GAB3: variants seen among roughly 807,000 people sequenced by gnomAD.
GAB3 encodes the protein GRB2 associated binding protein 3.
A neutral mutation model predicts 40.4 loss-of-function variants in GAB3; 12 were observed. That is an observed-to-expected ratio of 0.30 (90% CI 0.19 to 0.48). The LOEUF (loss-of-function observed/expected upper bound fraction) is 0.48, where lower values mean the gene tolerates loss of function less well. Ranked by LOEUF, GAB3 falls within the 20% of genes least tolerant of loss-of-function variation. The pLI, the probability that GAB3 is intolerant of heterozygous loss-of-function variation, is 0.99. For missense variants in GAB3, 381 were observed against 461.9 expected, an observed-to-expected ratio of 0.82 and a Z score of 1.61; for synonymous variants, 154 against 176.7, an observed-to-expected ratio of 0.87 and a Z score of 1.02.
At chrX:154,700,375 G>A (rs989227899) in intron 4 of GAB3, among the ~76,000 whole-genome samples, 1 of 111,261 alleles carries the variant, frequency 9.0e-6, no homozygotes, top group African/African-American at 3.3e-5. Flanking sequence ...AATATTCCTT[G>A]TAACGAGCAG....
At position 154,697,205 on chromosome X, in the gene GAB3, G is replaced by A; in HGVS notation, c.1354C>T (p.Pro452Ser). Reference sequence around the variant, plus strand: ...GAGAGGTTTCTCAGGTCCAGAGGAGGTGGCCGTGCTACAAGACAGTGTGCA... The same window carrying A: ...GAGAGGTTTCTCAGGTCCAGAGGAGATGGCCGTGCTACAAGACAGTGTGCA... The part of the protein sequence containing the change: ...DLKPQRKSRP[P>S]PLDLRNLSII... Residue 452 changes from proline (P) to serine (S), a missense_variant, in exon 7 of 10, where the codon CCT (proline) becomes TCT (serine). Coordinates refer to ENST00000424127, the MANE Select transcript of GAB3 (RefSeq NM_001081573.3). 2 of 1,181,370 alleles carry A rather than the reference G, an allele frequency of 1.7e-6. No individual in the cohort carries two copies. The highest frequency in any genetic ancestry group is 2.3e-6 in the Non-Finnish European group (2 of 879,161).
intron 1 of GAB3, among the ~76,000 whole-genome samples, chrX:154,736,049 C>T (rs1329257859): frequency 8.9e-6 from 1 of 112,752 alleles, no homozygotes; most frequent in African/African-American, 3.2e-5. Flanking sequence ...CAAACAGGAG[C>T]TGCCGCTGTT....
chrX:154,751,173 G>A, upstream of GAB3: 1 of 491,569 alleles, frequency 2.0e-6, no homozygotes, highest in Non-Finnish European at 2.5e-6. Flanking sequence ...CGGCCGCCGC[G>A]GCCCCCGGGG....
chrX:154,712,333 C>T lies in GAB3; in HGVS notation c.965G>A (p.Arg322His), dbSNP rs138557356. The T allele has an allele frequency of 1.3e-5, 16 of 1,209,579 alleles. No individual in the cohort carries two copies. The highest frequency in any genetic ancestry group is 3.5e-5 in the South Asian group (2 of 56,782). ...ACTGTGTGTACTCCACTCCTCTTGG[C>T]GCCGTTCAGACAGATGGCTTGGCTT... ...PPKPSHLSER[R>H]QEEWSTHSGS... The change falls in exon 4 of 10, where the codon CGC (arginine) becomes CAC (histidine). Residue 322 changes from arginine to histidine, a missense_variant. This residue lies in a region of GAB3 where 364 missense variants were observed against 421.0 expected (regional missense o/e 0.86). Coordinates refer to ENST00000424127, the MANE Select transcript of GAB3 (RefSeq NM_001081573.3).
chrX:154,680,709 C>T (rs1386176504), intron 8 of GAB3, among the ~76,000 whole-genome samples: 4 of 112,236 alleles, frequency 3.6e-5, no homozygotes, highest in South Asian at 7.4e-4. Flanking sequence ...AAGCTGTTTC[C>T]CCTGTACCAT....
intron 1 of GAB3, among the ~76,000 whole-genome samples, chrX:154,737,955 A>G (rs1409530822): frequency 1.8e-5 from 2 of 111,835 alleles, no homozygotes; most frequent in African/African-American, 6.5e-5. Flanking sequence ...GCACCACTGC[A>G]CTCCAGCCTG....
chrX:154,729,256 G>A (rs910213233), intron 1 of GAB3, among the ~76,000 whole-genome samples: 1 of 112,268 alleles, frequency 8.9e-6, no homozygotes, highest in Non-Finnish European at 1.9e-5. Context: ...ACAATAAGAT[G>A]CTTGACTTTA....
intron 1 of GAB3, among the ~76,000 whole-genome samples, chrX:154,740,448 G>A (rs782713416): frequency 5.4e-5 from 6 of 112,085 alleles, no homozygotes; most frequent in Non-Finnish European, 1.1e-4. Context: ...AGGGTTCTCC[G>A]CTTCTAGGAA....
At chrX:154,732,349 T>C (rs2071303907) in intron 1 of GAB3, among the ~76,000 whole-genome samples, 2 of 112,097 alleles carry the variant, frequency 1.8e-5, no homozygotes, top group Admixed American at 1.9e-4. Context: ...TTATCGGACA[T>C]AATATAATCT....
At position 154,677,193 on chromosome X, in the gene GAB3, T is replaced by C. The variant is rs782406797; in HGVS notation, c.*985A>G. On this transcript the variant is annotated 3_prime_UTR_variant, in exon 10 of 10. Transcript: ENST00000424127. ...AGTTGAACATCGCAGAAAGAAACCCTCACTTGACATGCACATCTTTCAAGT... is the reference window on the plus strand; with the variant it reads ...AGTTGAACATCGCAGAAAGAAACCCCCACTTGACATGCACATCTTTCAAGT... 3 of 111,645 alleles carry C rather than the reference T, an allele frequency of 2.7e-5. No individual in the cohort carries two copies. Among genetic ancestry groups the C allele is most frequent in the Non-Finnish European group, 5.7e-5 (3 of 53,084 alleles). 9.2% of individuals were successfully genotyped at this position (111,645 alleles called of 1,213,427 possible). A position where few individuals can be genotyped will look rare whatever the true frequency, so the allele number is the denominator to read the frequency against.
At chrX:154,737,026 A>G (rs988309687) in intron 1 of GAB3, among the ~76,000 whole-genome samples, 8 of 111,547 alleles carry the variant, frequency 7.2e-5, no homozygotes, top group Non-Finnish European at 1.5e-4. Context: ...TGTGTCTTTC[A>G]CTTTTAACTA....
chrX:154,675,643 A>G lies in GAB3; in HGVS notation c.*2535T>C, dbSNP rs1300767445. 1 of 112,401 alleles carries G rather than the reference A, an allele frequency of 8.9e-6. No individual in the cohort carries two copies. The highest frequency in any genetic ancestry group is 1.9e-5 in the Non-Finnish European group (1 of 53,297). 9.3% of individuals were successfully genotyped at this position (112,401 alleles called of 1,213,427 possible). A position where few individuals can be genotyped will look rare whatever the true frequency, so the allele number is the denominator to read the frequency against. On this transcript the variant is annotated 3_prime_UTR_variant, in exon 10 of 10. Coordinates refer to ENST00000424127, the MANE Select transcript of GAB3 (RefSeq NM_001081573.3). ...GGAATTTTCTAACGAGGTGAGACAGAAGAAAATGAAACAAAAAGGAACTAC... is the reference window on the plus strand; with the variant it reads ...GGAATTTTCTAACGAGGTGAGACAGGAGAAAATGAAACAAAAAGGAACTAC...
intron 1 of GAB3, among the ~76,000 whole-genome samples, chrX:154,717,805 G>A (rs1307659477): frequency 8.9e-6 from 1 of 111,910 alleles, no homozygotes; most frequent in African/African-American, 3.3e-5. Flanking sequence ...ATGGAGCCAG[G>A]GGGAAGGAAA....
chrX:154,708,204 A>G (rs953122242), intron 4 of GAB3, among the ~76,000 whole-genome samples: 1 of 112,034 alleles, frequency 8.9e-6, no homozygotes, highest in Non-Finnish European at 1.9e-5. Context: ...CTTTTCTTAT[A>G]CCATATACAA....
chrX:154,731,084 A>G (rs781892244), intron 1 of GAB3, among the ~76,000 whole-genome samples: 6 of 112,149 alleles, frequency 5.4e-5, no homozygotes, highest in Non-Finnish European at 1.1e-4. Context: ...ATTGTCAACC[A>G]AAGTGCCACT....
chrX:154,726,283 C>CA (rs1256942585), intron 1 of GAB3, among the ~76,000 whole-genome samples: 5 of 110,327 alleles, frequency 4.5e-5, no homozygotes, highest in Non-Finnish European at 7.6e-5. Flanking sequence ...ATATCTGAAA[C>CA]AAAAAAAATA....
chrX:154,746,006 C>T (rs937447228), intron 1 of GAB3, among the ~76,000 whole-genome samples: 1 of 100,970 alleles, frequency 9.9e-6, no homozygotes, highest in South Asian at 4.6e-4. Flanking sequence ...GAGCCAAGAT[C>T]GTGCCACTGC....
chrX:154,678,365 T>G, intron 9 of GAB3, 71 bp from the exon 10 acceptor site: 1 of 578,095 alleles, frequency 1.7e-6, no homozygotes, highest in Non-Finnish European at 2.9e-6. Flanking sequence ...TACCCTTTTG[T>G]ATTAAATTGT....
intron 1 of GAB3, among the ~76,000 whole-genome samples, chrX:154,741,675 CAAAAAAAAA>C (rs1206111123): frequency 3.8e-5 from 1 of 26,523 alleles, no homozygotes; most frequent in Non-Finnish European, 7.3e-5. Flanking sequence ...GACTCCATCT[CAAAAAAAAA>C]AAAAAAAAAA....
Sources: allele counts gnomAD v4.1 joint callset (sites outside exome capture counted in the v4.1 genomes callset), GRCh38; gene constraint gnomAD v4.1.1; regional missense constraint gnomAD v4.1.1; transcripts MANE v1.5; gene names NCBI Gene and HGNC (gene_info 2026-07-23, HGNC 2026-07-21).